The following MSRA variants were observed in gnomAD, a reference collection of about 807,000 sequenced individuals.
MSRA encodes the protein methionine sulfoxide reductase A, also known as mitochondrial peptide methionine sulfoxide reductase.
Under a neutral mutation model 31.3 loss-of-function variants are expected in MSRA, and 54 were observed. That is an observed-to-expected ratio of 1.73 (90% CI 1.39 to 2.17). MSRA has a LOEUF of 2.17. MSRA is among the 30% of genes most tolerant of loss of function. The pLI is 0.00. For missense variants in MSRA, 507 were observed against 300.9 expected (o/e 1.69, Z -5.07); for synonymous variants, 169 against 116.5 (o/e 1.45, Z -2.90).
intron 1 of MSRA, among the ~76,000 whole-genome samples, chr8:10,203,894 C>G (rs1285855621): frequency 6.6e-6 from 1 of 152,136 alleles, no homozygotes; most frequent in Non-Finnish European, 1.5e-5. Context: ...ATTAATGATT[C>G]TGATCATGCT....
At chr8:10,271,390 T>G (rs1368463857) in intron 3 of MSRA, among the ~76,000 whole-genome samples, 1 of 152,214 alleles carries the variant, frequency 6.6e-6, no homozygotes, top group Non-Finnish European at 1.5e-5. Flanking sequence ...TTCTCAATTA[T>G]GTAACATTTA....
At chr8:10,221,680 A>C (rs1347503887) in intron 2 of MSRA, among the ~76,000 whole-genome samples, 2 of 152,216 alleles carry the variant, frequency 1.3e-5, no homozygotes, top group South Asian at 4.1e-4. Flanking sequence ...TAAATATGTA[A>C]AGCATATGGC....
intron 5 of MSRA, among the ~76,000 whole-genome samples, chr8:10,342,855 A>G (rs747715285): frequency 6.6e-6 from 1 of 152,204 alleles, no homozygotes; most frequent in Admixed American, 6.5e-5. Context: ...CTTGGTTCCA[A>G]TCCCAGCTCT....
At chr8:10,175,754 G>C (rs1905630) in intron 1 of MSRA, among the ~76,000 whole-genome samples, 2 of 151,990 alleles carry the variant, frequency 1.3e-5, no homozygotes, top group African/African-American at 2.4e-5. Context: ...TCATTGTCAC[G>C]GAGGACCAAA....
chr8:10,283,168 C>CACACA (rs1554515464), intron 3 of MSRA, among the ~76,000 whole-genome samples: 2 of 70,326 alleles, frequency 2.8e-5, no homozygotes, highest in Non-Finnish European at 6.2e-5. Context: ...ACACTCTCAC[C>CACACA]CTTCTCTTTG....
Position 10,054,498 on chromosome 8 carries a change from C to A in MSRA, c.-19C>A. On this transcript the variant is annotated 5_prime_UTR_variant, in exon 1 of 6. Transcript: ENST00000317173. ...GGTAGCGCCGTCCCCCGGGACCACC[C>A]TTCGGCTGGCGCCCTCCCATGCTCT... The A allele has an allele frequency of 1.3e-6, 2 of 1,566,658 alleles. No individual in the cohort carries two copies. The highest frequency in any genetic ancestry group is 1.4e-5 in the African/African-American group (1 of 70,962).
chr8:10,337,748 A>G, intron 5 of MSRA: 2 of 702,628 alleles, frequency 2.8e-6, no homozygotes, highest in Admixed American at 2.0e-5. Flanking sequence ...GCTGGGGCTC[A>G]CTGCAGCCTC....
At chr8:10,104,892 A>T (rs1278816857) in intron 1 of MSRA, among the ~76,000 whole-genome samples, 5 of 152,150 alleles carry the variant, frequency 3.3e-5, no homozygotes, top group East Asian at 1.9e-4. Flanking sequence ...GTACCCATTT[A>T]TATTCCTGTG....
intron 2 of MSRA, among the ~76,000 whole-genome samples, chr8:10,209,223 A>G (rs914485762): frequency 6.6e-6 from 1 of 152,256 alleles, no homozygotes; most frequent in Admixed American, 6.5e-5. Flanking sequence ...GGTGTCTGTT[A>G]TCATGGGACA....
At chr8:10,084,095 G>A (rs1037773142) in intron 1 of MSRA, among the ~76,000 whole-genome samples, 1 of 152,216 alleles carries the variant, frequency 6.6e-6, no homozygotes. Flanking sequence ...ATCGGGAGTC[G>A]AGGCAGGGCC....
At chr8:10,378,416 G>A (rs887267106) in intron 5 of MSRA, among the ~76,000 whole-genome samples, 3 of 152,204 alleles carry the variant, frequency 2.0e-5, no homozygotes, top group Non-Finnish European at 2.9e-5. Flanking sequence ...GAGGGCTGCC[G>A]GCTAATCCCC....
intron 2 of MSRA, among the ~76,000 whole-genome samples, chr8:10,242,273 A>AT (rs1797371477): frequency 1.3e-5 from 2 of 149,910 alleles, no homozygotes; most frequent in African/African-American, 4.9e-5. Context: ...TCCATCTCAA[A>AT]AAAAAAAAAA....
intron 5 of MSRA, among the ~76,000 whole-genome samples, chr8:10,414,640 G>A (rs1808349587): frequency 6.6e-6 from 1 of 152,356 alleles, no homozygotes; most frequent in African/African-American, 2.4e-5. Flanking sequence ...ACTGAATTCA[G>A]TGCTCTAAGC....
At chr8:10,388,681 T>A (rs1049951851) in intron 5 of MSRA, among the ~76,000 whole-genome samples, 1 of 152,088 alleles carries the variant, frequency 6.6e-6, no homozygotes, top group African/African-American at 2.4e-5. Context: ...GTCCAACCCC[T>A]TCTTTGTAAG....
At chr8:10,177,488 G>T (rs931713621) in intron 1 of MSRA, among the ~76,000 whole-genome samples, 2 of 151,198 alleles carry the variant, frequency 1.3e-5, no homozygotes, top group Non-Finnish European at 2.9e-5. Flanking sequence ...CTGGCTTCAT[G>T]AGTGTGTTGT....
intron 1 of MSRA, among the ~76,000 whole-genome samples, chr8:10,073,280 C>G (rs59759359): frequency 5.3e-5 from 8 of 151,914 alleles, no homozygotes; most frequent in Non-Finnish European, 1.2e-4. Context: ...TATTGAGTTA[C>G]GGTAGTTCCT....
intron 3 of MSRA, among the ~76,000 whole-genome samples, chr8:10,258,885 T>C (rs1798320513): frequency 6.6e-6 from 1 of 152,154 alleles, no homozygotes. Context: ...GGCGGGCAGA[T>C]CGCTTGAGGT....
chr8:10,064,210 C>T lies in MSRA; in HGVS notation c.142+9552C>T, dbSNP rs148625836. ...CCTGGATATCCTATCAAAATGCCCT[C>T]TCCGTTCAGTGAGATACTCGATGAC... On this transcript the variant is annotated intron_variant, in intron 1 of 5. Coordinates refer to ENST00000317173, the MANE Select transcript of MSRA (RefSeq NM_012331.5). 1.0e-3 allele frequency among the ~76,000 whole-genome samples: 152 copies of T among 152,318 alleles called. 1 individual carries two copies. The highest frequency in any genetic ancestry group is 3.3e-3 in the African/African-American group (138 of 41,566).
chr8:10,106,974 G>T (rs963572971), intron 1 of MSRA, among the ~76,000 whole-genome samples: 3 of 150,496 alleles, frequency 2.0e-5, no homozygotes, highest in Admixed American at 6.6e-5. Context: ...TACCCCATCC[G>T]TCCATCCATG....
Sources: allele counts gnomAD v4.1 joint callset (sites outside exome capture counted in the v4.1 genomes callset), GRCh38; gene constraint gnomAD v4.1.1; transcripts MANE v1.5; gene names NCBI Gene and HGNC (gene_info 2026-07-23, HGNC 2026-07-21).